The following MTDH variants were observed in gnomAD, a reference collection of about 807,000 sequenced individuals.
The protein encoded by MTDH is metadherin.
In MTDH, 34 loss-of-function variants were observed where a neutral mutation model predicts 72.7. The observed-to-expected ratio is 0.47, with a 90% CI of 0.36 to 0.62. The LOEUF (loss-of-function observed/expected upper bound fraction) is 0.62, where lower values mean the gene tolerates loss of function less well. MTDH is among the 20% of genes least tolerant of loss of function. The pLI, the probability that MTDH is intolerant of heterozygous loss-of-function variation, is 0.00. For missense variants in MTDH, 677 were observed against 699.4 expected, an observed-to-expected ratio of 0.97 and a Z score of 0.36; for synonymous variants, 266 against 268.9, an observed-to-expected ratio of 0.99 and a Z score of 0.10.
chr8:97,681,866 G>A (rs1181713566), intron 2 of MTDH, among the ~76,000 whole-genome samples: 1 of 152,090 alleles, frequency 6.6e-6, no homozygotes, highest in Non-Finnish European at 1.5e-5. Flanking sequence ...TATCAGTAAA[G>A]ACTTGTATTT....
In MTDH at chr8:97,679,618, C is replaced by T. The variant is rs562352437; in HGVS notation, c.484-7050C>T. ...AAAATGAATGCATTTAGAAGATATT[C>T]GAAAGAATGAAGCATGTGCATTGAT... is the stretch of plus-strand genomic sequence containing the variant. On this transcript the variant is annotated intron_variant, in intron 2 of 11. Coordinates refer to ENST00000336273, the MANE Select transcript of MTDH (RefSeq NM_178812.4). Among the ~76,000 whole-genome samples, 221 of 152,076 alleles carry T rather than the reference C, an allele frequency of 1.5e-3. 3 individuals carry two copies. The highest frequency in any genetic ancestry group is 4.7e-3 in the African/African-American group (194 of 41,462).
At chr8:97,656,433 T>G (rs937063112) in intron 1 of MTDH, among the ~76,000 whole-genome samples, 2 of 150,470 alleles carry the variant, frequency 1.3e-5, no homozygotes, top group Non-Finnish European at 3.0e-5. Flanking sequence ...GCCTCCCGAG[T>G]CTGGGACTAC....
intron 1 of MTDH, among the ~76,000 whole-genome samples, chr8:97,651,295 C>T (rs1811764392): frequency 6.6e-6 from 1 of 152,196 alleles, no homozygotes; most frequent in African/African-American, 2.4e-5. Context: ...CACTAGAACT[C>T]ATGCCTGAAC....
chr8:97,723,099 T>A (rs1815196903), intron 11 of MTDH, 64 bp downstream of exon 11: 2 of 1,531,842 alleles, frequency 1.3e-6, no homozygotes, highest in Non-Finnish European at 1.8e-6. Context: ...AAGGTTCTGA[T>A]CTTAAAAGTC....
chr8:97,679,552 TCTTA>T (rs1376746751), intron 2 of MTDH, among the ~76,000 whole-genome samples: 1 of 152,206 alleles, frequency 6.6e-6, no homozygotes, highest in Non-Finnish European at 1.5e-5. Flanking sequence ...ATTTTGATCT[TCTTA>T]CTTTTTCAAG....
At position 97,713,738 on chromosome 8, in the gene MTDH, A is replaced by C; in HGVS notation, c.1349A>C (p.Lys450Thr). The C allele has an allele frequency of 6.2e-7, 1 of 1,605,962 alleles. No individual in the cohort carries two copies. The change falls in exon 9 of 12, where the codon AAG becomes ACG. Residue 450 changes from lysine (K) to threonine (T), a missense_variant. Transcript: ENST00000336273. ...GKSKKKKKKK[K>T]KQGEDNSTAQ... ...TCCAAAAAGAAAAAAAAGAAAAAGA[A>C]GAAGCAAGGTGAAGATAACTCTACT...
At chr8:97,676,523 T>A (rs1812853321) in intron 2 of MTDH, among the ~76,000 whole-genome samples, 1 of 152,218 alleles carries the variant, frequency 6.6e-6, no homozygotes, top group Non-Finnish European at 1.5e-5. Context: ...CAACATGTAC[T>A]TTTTGCCACT....
intron 2 of MTDH, among the ~76,000 whole-genome samples, chr8:97,676,372 C>G (rs1812847295): frequency 6.6e-6 from 1 of 152,132 alleles, no homozygotes; most frequent in African/African-American, 2.4e-5. Flanking sequence ...AGTTTTGATA[C>G]TATACAGATA....
Position 97,698,993 on chromosome 8 carries a change from A to G in MTDH, c.1049-761A>G, listed in dbSNP as rs541026325. ...TATCTCTACGAAAAATTTTTTAAAA[A>G]TAAGCCAGGAGACCAGGCAAGGTGG... On this transcript the variant is annotated intron_variant, in intron 6 of 11. Coordinates refer to ENST00000336273, the MANE Select transcript of MTDH (RefSeq NM_178812.4). Among the ~76,000 whole-genome samples, 6 of 151,856 alleles carry G rather than the reference A, an allele frequency of 4.0e-5. No homozygotes were observed. In the South Asian group the frequency reaches 1.3e-3, roughly 32 times the overall value.
At chr8:97,672,200 A>G (rs1225448770) in intron 2 of MTDH, among the ~76,000 whole-genome samples, 1 of 152,176 alleles carries the variant, frequency 6.6e-6, no homozygotes, top group Non-Finnish European at 1.5e-5. Flanking sequence ...TTTATTTATC[A>G]TTGGCAGTTT....
At chr8:97,716,603 G>A (rs1049381217) in intron 9 of MTDH, among the ~76,000 whole-genome samples, 3 of 152,132 alleles carry the variant, frequency 2.0e-5, no homozygotes, top group Admixed American at 6.6e-5. Flanking sequence ...CAGGAGAATC[G>A]CAGGTTGCAG....
intron 2 of MTDH, among the ~76,000 whole-genome samples, chr8:97,666,434 G>C (rs555424819): frequency 6.6e-6 from 1 of 152,238 alleles, no homozygotes; most frequent in South Asian, 2.1e-4. Context: ...AATTGTCCAG[G>C]AACACATAGC....
chr8:97,680,514 TACATGTGCAC>T (rs1813027133), intron 2 of MTDH, among the ~76,000 whole-genome samples: 1 of 152,248 alleles, frequency 6.6e-6, no homozygotes, highest in African/African-American at 2.4e-5. Flanking sequence ...TACATGCACA[TACATGTGCAC>T]ACATGCCTAT....
intron 5 of MTDH, 37 bp from the exon 6 acceptor site, chr8:97,690,915 G>A (rs538862497): frequency 6.9e-7 from 1 of 1,446,346 alleles, no homozygotes; most frequent in Non-Finnish European, 9.6e-7. Flanking sequence ...AAGAAGTCAT[G>A]TACCTGTTTT....
intron 10 of MTDH, among the ~76,000 whole-genome samples, chr8:97,719,492 C>CAAAAAAAAAAAA (rs11383714): frequency 3.8e-5 from 3 of 79,914 alleles, no homozygotes; most frequent in Non-Finnish European, 5.9e-5. Flanking sequence ...GACACTGTCT[C>CAAAAAAAAAAAA]AAAAAAAAAA....
intron 8 of MTDH, among the ~76,000 whole-genome samples, chr8:97,709,170 G>A (rs1378609791): frequency 1.4e-5 from 2 of 145,912 alleles, no homozygotes; most frequent in Non-Finnish European, 1.5e-5. Flanking sequence ...CTCCAGCCTG[G>A]ACAACATAGC....
At chr8:97,672,943 A>G (rs1812688458) in intron 2 of MTDH, among the ~76,000 whole-genome samples, 1 of 152,156 alleles carries the variant, frequency 6.6e-6, no homozygotes, top group Admixed American at 6.6e-5. Context: ...AATGACTTGG[A>G]CGATGGATCA....
intron 1 of MTDH, among the ~76,000 whole-genome samples, chr8:97,650,814 C>T (rs1279812319): frequency 2.0e-5 from 3 of 152,264 alleles, no homozygotes; most frequent in Admixed American, 6.5e-5. Context: ...TCTGCAACCT[C>T]CGCCTCTCAG....
At position 97,724,967 on chromosome 8, in the gene MTDH, A is replaced by G. The variant is rs562764499; in HGVS notation, c.*297A>G. ...TTAACAACAGTGCCCTGTTTACAAC[A>G]GATTGTGCCCTATCTCATCTGCAGC... On this transcript the variant is annotated 3_prime_UTR_variant, in exon 12 of 12. Coordinates refer to ENST00000336273, the MANE Select transcript of MTDH (RefSeq NM_178812.4). 4.9e-6 allele frequency: 1 copy of G among 203,048 alleles called. No homozygotes were observed. The highest frequency in any genetic ancestry group is 2.3e-5 in the African/African-American group (1 of 42,892). 12.6% of individuals were successfully genotyped at this position (203,048 alleles called of 1,614,324 possible). A position where few individuals can be genotyped will look rare whatever the true frequency, so the allele number is the denominator to read the frequency against.
Sources: gnomAD v4.1 joint callset for allele counts (sites outside exome capture counted in the v4.1 genomes callset) on GRCh38, gnomAD v4.1.1 for gene constraint, MANE v1.5 for transcripts, NCBI Gene and HGNC (gene_info 2026-07-23, HGNC 2026-07-21) for gene names.